Variants in CRACD observed in about 807,000 individuals in gnomAD.
The protein encoded by CRACD is capping protein inhibiting regulator of actin dynamics, also known as capping protein-inhibiting regulator of actin dynamics.
In CRACD, 56 loss-of-function variants were observed where a neutral mutation model predicts 106.8. The ratio of observed to expected loss-of-function variants is 0.52; its 90% CI spans 0.42 to 0.66. The LOEUF is 0.66. Ranked by LOEUF, CRACD falls within the 30% of genes least tolerant of loss-of-function variation. CRACD has a pLI of 0.00. For missense variants in CRACD, 1,730 were observed against 1,623.2 expected, an observed-to-expected ratio of 1.07 and a Z score of -1.13; for synonymous variants, 754 against 670.8, an observed-to-expected ratio of 1.12 and a Z score of -1.92.
chr4:56,306,924 A>C (rs1744751521), intron 4 of CRACD, among the ~76,000 whole-genome samples: 1 of 152,198 alleles, frequency 6.6e-6, no homozygotes. Flanking sequence ...TTGATCATGG[A>C]AAGACTTGCT....
chr4:56,147,547 T>G (rs1012943492), intron 1 of CRACD, among the ~76,000 whole-genome samples: 1 of 152,204 alleles, frequency 6.6e-6, no homozygotes, highest in Non-Finnish European at 1.5e-5. Flanking sequence ...GGTGTCTGGC[T>G]TCTTTCACTT....
At chr4:56,167,152 C>T (rs1280647336) in intron 1 of CRACD, among the ~76,000 whole-genome samples, 1 of 151,932 alleles carries the variant, frequency 6.6e-6, no homozygotes, top group Non-Finnish European at 1.5e-5. Flanking sequence ...TTAAGTTTAC[C>T]TTTATTATAC....
intron 6 of CRACD, 34 bp from the exon 7 acceptor site, chr4:56,313,163 C>A (rs774549596): frequency 2.5e-6 from 4 of 1,587,634 alleles, no homozygotes; most frequent in South Asian, 2.2e-5. Flanking sequence ...GTCTTCTGAT[C>A]CCAACTGACT....
chr4:56,166,153 G>C lies in CRACD; in HGVS notation c.-335-13131G>C, dbSNP rs141800640. On this transcript the variant is annotated intron_variant, in intron 1 of 10. Transcript: ENST00000682029. The stretch of plus-strand genomic sequence containing the variant: ...TTACAGGTGTGAGCCACTGTACCCA[G>C]CTGGAAATATAAATTAATATAGTTT... Among the ~76,000 whole-genome samples the C allele has an allele frequency of 1.6e-3, 246 of 152,232 alleles. 3 individuals are homozygous for C. The highest frequency in any genetic ancestry group is 5.6e-3 in the African/African-American group (232 of 41,528).
intron 1 of CRACD, among the ~76,000 whole-genome samples, chr4:56,050,796 G>T (rs941634979): frequency 2.6e-5 from 4 of 152,126 alleles, no homozygotes; most frequent in Non-Finnish European, 5.9e-5. Flanking sequence ...TTCCACTGTT[G>T]ATTATTTAAA....
chr4:56,280,832 T>A (rs1742999381), intron 3 of CRACD, among the ~76,000 whole-genome samples: 1 of 152,232 alleles, frequency 6.6e-6, no homozygotes, highest in Non-Finnish European at 1.5e-5. Flanking sequence ...AAGTGCAGGC[T>A]CCCTGCTTAC....
intron 1 of CRACD, among the ~76,000 whole-genome samples, chr4:56,176,494 T>A (rs1348737968): frequency 2.0e-5 from 3 of 149,142 alleles, no homozygotes; most frequent in African/African-American, 7.4e-5. Context: ...AGTGGTGCAA[T>A]CTCTGCTGAC....
intron 2 of CRACD, among the ~76,000 whole-genome samples, chr4:56,236,181 T>C (rs1739959040): frequency 6.6e-6 from 1 of 152,044 alleles, no homozygotes; most frequent in African/African-American, 2.4e-5. Flanking sequence ...AGGGGGACTT[T>C]GGAGAGAAAA....
intron 2 of CRACD, among the ~76,000 whole-genome samples, chr4:56,249,166 G>T (rs1462905041): frequency 6.7e-6 from 1 of 150,088 alleles, no homozygotes; most frequent in Non-Finnish European, 1.5e-5. Context: ...TTCCACAACG[G>T]TTGAACTAGT....
chr4:56,071,944 A>G (rs976503489), intron 1 of CRACD, among the ~76,000 whole-genome samples: 1 of 151,702 alleles, frequency 6.6e-6, no homozygotes, highest in South Asian at 2.1e-4. Context: ...TGGCTAACAC[A>G]GTGAAACCCC....
intron 4 of CRACD, among the ~76,000 whole-genome samples, chr4:56,305,395 T>C (rs1744624412): frequency 6.6e-6 from 1 of 152,050 alleles, no homozygotes; most frequent in Admixed American, 6.6e-5. Context: ...ACAGGAACCA[T>C]TCTTCTGCAC....
intron 1 of CRACD, among the ~76,000 whole-genome samples, chr4:56,062,900 T>A (rs1434931155): frequency 1.3e-5 from 2 of 152,218 alleles, no homozygotes; most frequent in African/African-American, 4.8e-5. Flanking sequence ...GGTCTTTGGT[T>A]CAGCCTGCTG....
intron 1 of CRACD, among the ~76,000 whole-genome samples, chr4:56,155,340 G>A (rs959938478): frequency 2.0e-5 from 3 of 152,150 alleles, no homozygotes; most frequent in African/African-American, 4.8e-5. Flanking sequence ...AAGTGACATG[G>A]CCAACCTCAT....
At chr4:56,240,413 G>A (rs1402420385) in intron 2 of CRACD, among the ~76,000 whole-genome samples, 1 of 152,100 alleles carries the variant, frequency 6.6e-6, no homozygotes, top group African/African-American at 2.4e-5. Flanking sequence ...ATTTTTTCCT[G>A]TTTGCCTTTT....
At chr4:56,246,209 TGAAAGTA>T (rs2043711479) in intron 2 of CRACD, among the ~76,000 whole-genome samples, 1 of 152,214 alleles carries the variant, frequency 6.6e-6, no homozygotes, top group African/African-American at 2.4e-5. Flanking sequence ...TTCTATCCTC[TGAAAGTA>T]GAAAGTGCTG....
chr4:56,319,009 T>C (rs1745871566), intron 8 of CRACD, among the ~76,000 whole-genome samples: 2 of 152,232 alleles, frequency 1.3e-5, no homozygotes, highest in African/African-American at 4.8e-5. Context: ...CTCAGCTCTG[T>C]TATTTTCTCT....
chr4:56,064,148 T>C (rs186013203), intron 1 of CRACD, among the ~76,000 whole-genome samples: 12 of 152,360 alleles, frequency 7.9e-5, no homozygotes, highest in African/African-American at 2.9e-4. Context: ...ATAGCTTCTT[T>C]GGAGAAACGT....
intron 1 of CRACD, among the ~76,000 whole-genome samples, chr4:56,062,486 A>G (rs1325021457): frequency 6.6e-6 from 1 of 152,228 alleles, no homozygotes; most frequent in Non-Finnish European, 1.5e-5. Flanking sequence ...AGCAGCAGAA[A>G]GGTATGCTTA....
intron 1 of CRACD, among the ~76,000 whole-genome samples, chr4:56,150,639 C>G (rs1167585038): frequency 6.6e-6 from 1 of 152,126 alleles, no homozygotes; most frequent in Non-Finnish European, 1.5e-5. Context: ...TAGTTTTGAA[C>G]TTTATTAAAT....
Sources: gnomAD v4.1 joint callset for allele counts (sites outside exome capture counted in the v4.1 genomes callset) on GRCh38, gnomAD v4.1.1 for gene constraint, MANE v1.5 for transcripts, NCBI Gene and HGNC (gene_info 2026-07-23, HGNC 2026-07-21) for gene names.